The following WWC2 variants were observed in gnomAD, a reference collection of about 807,000 sequenced individuals.
WWC2 encodes the protein WW and C2 domain containing 2, also known as protein WWC2.
A neutral mutation model predicts 138.5 loss-of-function variants in WWC2; 101 were observed. The ratio of observed to expected loss-of-function variants is 0.73; its 90% CI spans 0.62 to 0.86. WWC2 has a LOEUF of 0.86. Among genes scored for constraint, WWC2 ranks in the 40% least tolerant of loss-of-function variants. The probability of loss-of-function intolerance (pLI) is 0.00; values close to 1 mark genes in which losing one functional copy is unlikely to be tolerated. For synonymous variants in WWC2, 558 were observed against 538.4 expected (o/e 1.04, Z -0.50); for missense variants, 1,420 against 1,419.4 (o/e 1.00, Z -0.01).
At chr4:183,193,346 G>A (rs891336076) in intron 1 of WWC2, among the ~76,000 whole-genome samples, 24 of 152,122 alleles carry the variant, frequency 1.6e-4, no homozygotes, top group African/African-American at 4.8e-4. Flanking sequence ...TCAGCTTGGC[G>A]TTCTCCCTGA....
intron 1 of WWC2, among the ~76,000 whole-genome samples, chr4:183,188,821 T>G (rs990791286): frequency 6.6e-6 from 1 of 151,736 alleles, no homozygotes; most frequent in African/African-American, 2.4e-5. Flanking sequence ...ATTTTTGTAT[T>G]TTTAGTAGAG....
chr4:183,193,189 A>G (rs1424321235), intron 1 of WWC2, among the ~76,000 whole-genome samples: 1 of 152,202 alleles, frequency 6.6e-6, no homozygotes, highest in African/African-American at 2.4e-5. Context: ...CCAGTCTGAA[A>G]TTAGTGTAAC....
chr4:183,135,399 C>T (rs777399749), intron 1 of WWC2, among the ~76,000 whole-genome samples: 2 of 151,538 alleles, frequency 1.3e-5, no homozygotes, highest in Admixed American at 6.6e-5. Context: ...TGGTGGCTAC[C>T]CTACAAATGA....
intron 1 of WWC2, among the ~76,000 whole-genome samples, chr4:183,182,213 G>T (rs1243697843): frequency 4.6e-5 from 7 of 152,166 alleles, no homozygotes; most frequent in Non-Finnish European, 1.0e-4. Flanking sequence ...CAAAAGGGAA[G>T]TTGTGGCCCT....
At chr4:183,108,992 C>T (rs2152887127) in intron 1 of WWC2, among the ~76,000 whole-genome samples, 1 of 152,274 alleles carries the variant, frequency 6.6e-6, no homozygotes, top group South Asian at 2.1e-4. Context: ...GGCAACTTTC[C>T]ACACTAATTT....
chr4:183,235,768 T>G (rs1326571716), intron 4 of WWC2, among the ~76,000 whole-genome samples: 1 of 152,236 alleles, frequency 6.6e-6, no homozygotes, highest in Non-Finnish European at 1.5e-5. Flanking sequence ...ATATCTTGGC[T>G]ATTGTGAATC....
chr4:183,118,006 G>A (rs761561907), intron 1 of WWC2, among the ~76,000 whole-genome samples: 2 of 150,852 alleles, frequency 1.3e-5, no homozygotes, highest in Non-Finnish European at 3.0e-5. Context: ...CGCCATGTTG[G>A]CCAGGCTGGT....
At chr4:183,189,806 T>C (rs1225305906) in intron 1 of WWC2, among the ~76,000 whole-genome samples, 4 of 152,240 alleles carry the variant, frequency 2.6e-5, no homozygotes, top group African/African-American at 9.7e-5. Context: ...TAAGTGCTTA[T>C]TCATTTAGTG....
chr4:183,218,828 T>G (rs992885330), intron 4 of WWC2, among the ~76,000 whole-genome samples: 1 of 152,216 alleles, frequency 6.6e-6, no homozygotes, highest in Non-Finnish European at 1.5e-5. Context: ...ATGAGGTATA[T>G]TCACATTATG....
At chr4:183,266,997 T>G (rs980853871) in intron 14 of WWC2, among the ~76,000 whole-genome samples, 2 of 151,956 alleles carry the variant, frequency 1.3e-5, no homozygotes, top group African/African-American at 4.8e-5. Context: ...ATAGAAATTA[T>G]GTAGTTGACA....
chr4:183,155,189 GGAGAGA>G (rs770609371), intron 1 of WWC2, among the ~76,000 whole-genome samples: 9 of 103,730 alleles, frequency 8.7e-5, no homozygotes, highest in South Asian at 3.6e-4. Context: ...CATCTTCTGA[GGAGAGA>G]GAGAGAGAGA....
At chr4:183,311,392 C>A (rs1431854479) in intron 21 of WWC2, among the ~76,000 whole-genome samples, 1 of 151,858 alleles carries the variant, frequency 6.6e-6, no homozygotes, top group East Asian at 1.9e-4. Context: ...GAAGCCACAC[C>A]CTAAAGAGTC....
chr4:183,222,609 G>T (rs1418458119), intron 4 of WWC2, among the ~76,000 whole-genome samples: 1 of 152,044 alleles, frequency 6.6e-6, no homozygotes. Flanking sequence ...GTAGGAGGGG[G>T]AACAAGAGAG....
At chr4:183,199,395 A>G (rs375613820) in intron 2 of WWC2, among the ~76,000 whole-genome samples, 1 of 152,184 alleles carries the variant, frequency 6.6e-6, no homozygotes, top group Non-Finnish European at 1.5e-5. Context: ...CCACTCATAC[A>G]CTAGCCATGC....
At chr4:183,228,354 T>C (rs577477353) in intron 4 of WWC2, among the ~76,000 whole-genome samples, 2 of 152,226 alleles carry the variant, frequency 1.3e-5, no homozygotes, top group East Asian at 3.9e-4. Context: ...GTTTGGTATT[T>C]GATAGATCAA....
At chr4:183,130,012 G>A (rs1327881885) in intron 1 of WWC2, among the ~76,000 whole-genome samples, 2 of 151,212 alleles carry the variant, frequency 1.3e-5, no homozygotes, top group Non-Finnish European at 2.9e-5. Context: ...AAATGTAAGC[G>A]TATGCTCTTA....
At chr4:183,178,123 C>T (rs1020048523) in intron 1 of WWC2, among the ~76,000 whole-genome samples, 3 of 152,150 alleles carry the variant, frequency 2.0e-5, no homozygotes, top group South Asian at 2.1e-4. Flanking sequence ...TGCATTTATC[C>T]AGGCAAGATT....
In WWC2 at chr4:183,286,210, T is replaced by C. The variant is rs528195621; in HGVS notation, c.3141+151T>C. ...CCACTGGGATACACAGAGACGCAGA[T>C]GCCATGGCCACTATGGAGATGGGGG... On this transcript the variant is annotated intron_variant, in intron 20 of 22. Coordinates refer to ENST00000403733, the MANE Select transcript of WWC2 (RefSeq NM_024949.6). 3.5e-3 allele frequency among the ~76,000 whole-genome samples: 533 copies of C among 152,258 alleles called. 8 individuals carry two copies. Among genetic ancestry groups the C allele is most frequent in the South Asian group, 0.022 (108 of 4,820 alleles).
At chr4:183,190,813 T>C (rs944823967) in intron 1 of WWC2, among the ~76,000 whole-genome samples, 5 of 152,232 alleles carry the variant, frequency 3.3e-5, no homozygotes, top group African/African-American at 1.2e-4. Context: ...CCAAATGTAA[T>C]CAAGTTACTA....
Sources: allele counts gnomAD v4.1 joint callset (sites outside exome capture counted in the v4.1 genomes callset), GRCh38; gene constraint gnomAD v4.1.1; transcripts MANE v1.5; gene names NCBI Gene and HGNC (gene_info 2026-07-23, HGNC 2026-07-21).